LPP: variants seen among roughly 807,000 people sequenced by gnomAD.
The protein encoded by LPP is lipoma-preferred partner.
A neutral mutation model predicts 60.4 loss-of-function variants in LPP; 38 were observed. The observed-to-expected ratio is 0.63, with a 90% CI of 0.49 to 0.83. The LOEUF is 0.83. Ranked by LOEUF, LPP falls within the 40% of genes least tolerant of loss-of-function variation. The pLI is 0.00. For synonymous variants in LPP, 328 were observed against 290.8 expected, an observed-to-expected ratio of 1.13 and a Z score of -1.30; for missense variants, 902 against 783.6, an observed-to-expected ratio of 1.15 and a Z score of -1.80.
intron 2 of LPP, among the ~76,000 whole-genome samples, chr3:188,277,731 T>C (rs1013380527): frequency 1.3e-5 from 2 of 152,252 alleles, no homozygotes; most frequent in Admixed American, 1.3e-4. Flanking sequence ...TGGGATAAGG[T>C]TCTTGGAGCT....
At chr3:188,685,210 G>A (rs56337968) in intron 7 of LPP, among the ~76,000 whole-genome samples, 8,606 of 152,280 alleles carry the variant, frequency 0.057, 319 homozygotes, top group Non-Finnish European at 0.085. Flanking sequence ...CTGAGGGAGT[G>A]AGAGAAGGAG....
At chr3:188,736,797 G>T (rs2150118602) in intron 8 of LPP, among the ~76,000 whole-genome samples, 1 of 151,882 alleles carries the variant, frequency 6.6e-6, no homozygotes, top group African/African-American at 2.4e-5. Flanking sequence ...TTATCCTAAA[G>T]AAATATATAT....
Position 188,609,195 on chromosome 3 carries a change from C to T in LPP, c.464C>T (p.Ser155Leu), listed in dbSNP as rs150267429. ...STGSTASPPV[S>L]TPVTGHKRMV... The stretch of plus-strand genomic sequence containing the variant: ...GGTTCAACAGCCTCTCCTCCAGTTT[C>T]GACCCCAGTCACAGGACACAAGAGA... Residue 155 changes from serine to leucine, a missense_variant, in exon 7 of 12, where the codon TCG becomes TTG. Transcript: ENST00000617246. The surrounding 1 kb of genome is among the most constrained non-coding windows in gnomAD (Gnocchi z 6.9). The T allele has an allele frequency of 3.5e-4, 565 of 1,613,364 alleles. 1 individual carries two copies. Among genetic ancestry groups the T allele is most frequent in the Middle Eastern group, 5.0e-4 (3 of 6,054 alleles).
At chr3:188,462,607 TG>T (rs1799387311) in intron 4 of LPP, among the ~76,000 whole-genome samples, 1 of 127,452 alleles carries the variant, frequency 7.8e-6, no homozygotes, top group Non-Finnish European at 1.8e-5. Context: ...TGTGTGTGTG[TG>T]TGTGTGTGTG....
chr3:188,609,823 T>C lies in LPP; in HGVS notation c.1092T>C (p.Cys364=). The part of the protein sequence containing the change: ...TYITDPVSAP[C]APPLQPKGGH... ...TCACAGATCCTGTTTCAGCCCCCTG[T>C]GCGCCACCATTGCAGCCAAAGGTAA... Residue 364 remains cysteine (C), a synonymous_variant, in exon 7 of 12, where the codon TGT becomes TGC. Coordinates refer to ENST00000617246, the MANE Select transcript of LPP (RefSeq NM_001375462.1). The surrounding 1 kb of genome is among the most constrained non-coding windows in gnomAD (Gnocchi z 6.9). 5 of 1,612,028 alleles carry C rather than the reference T, an allele frequency of 3.1e-6. No individual in the cohort carries two copies. The Middle Eastern group carries it at 5.0e-4, about 160-fold the overall frequency.
intron 4 of LPP, among the ~76,000 whole-genome samples, chr3:188,430,726 C>G (rs1790676241): frequency 6.6e-6 from 1 of 152,020 alleles, no homozygotes; most frequent in Non-Finnish European, 1.5e-5. Flanking sequence ...TTTGTTGCAA[C>G]CTGAGAAGGC....
chr3:188,750,151 T>C (rs1349889073), intron 8 of LPP, among the ~76,000 whole-genome samples: 2 of 152,190 alleles, frequency 1.3e-5, no homozygotes, highest in African/African-American at 2.4e-5. Context: ...ATGAAGCCTC[T>C]TTCACAAAGG....
intron 6 of LPP, among the ~76,000 whole-genome samples, chr3:188,558,829 C>T (rs551365273): frequency 1.1e-4 from 16 of 152,098 alleles, no homozygotes; most frequent in Non-Finnish European, 1.3e-4. Flanking sequence ...GATGTTACAA[C>T]TTATTATTAA....
chr3:188,232,815 G>GT (rs138021002), intron 2 of LPP, among the ~76,000 whole-genome samples: 5,421 of 151,992 alleles, frequency 0.036, 181 homozygotes, highest in African/African-American at 0.083. Flanking sequence ...AGTTCACTTA[G>GT]TTTTTTTTAG....
chr3:188,708,128 C>G, intron 7 of LPP, 139 bp from the exon 8 acceptor site: 1 of 860,058 alleles, frequency 1.2e-6, no homozygotes, highest in Non-Finnish European at 1.8e-6. Context: ...AGTGATAAAA[C>G]TAATTCTAAA....
At chr3:188,633,782 G>A (rs921013436) in intron 7 of LPP, among the ~76,000 whole-genome samples, 1 of 152,124 alleles carries the variant, frequency 6.6e-6, no homozygotes, top group African/African-American at 2.4e-5. Context: ...CATTCTTCAA[G>A]CTGTTATCAC....
intron 7 of LPP, among the ~76,000 whole-genome samples, chr3:188,688,463 A>G (rs1405568887): frequency 6.6e-6 from 1 of 152,192 alleles, no homozygotes; most frequent in Non-Finnish European, 1.5e-5. Flanking sequence ...TGCCCATTCA[A>G]TGAACATTTG....
chr3:188,734,064 T>C (rs981809974), intron 8 of LPP, among the ~76,000 whole-genome samples: 21 of 152,144 alleles, frequency 1.4e-4, no homozygotes, highest in African/African-American at 4.8e-4. Flanking sequence ...ATTTTATATA[T>C]CCTTCTTTAA....
chr3:188,759,862 G>A (rs185705794), intron 8 of LPP, among the ~76,000 whole-genome samples: 1 of 152,254 alleles, frequency 6.6e-6, no homozygotes, highest in Non-Finnish European at 1.5e-5. Context: ...CTTTCTGCAA[G>A]AACTTAGACT....
chr3:188,445,666 A>C (rs1291112191), intron 4 of LPP, among the ~76,000 whole-genome samples: 2 of 152,144 alleles, frequency 1.3e-5, no homozygotes. Flanking sequence ...AAAGACATTG[A>C]TTCATTCATT....
intron 7 of LPP, among the ~76,000 whole-genome samples, chr3:188,637,250 C>A (rs1849011660): frequency 6.6e-6 from 1 of 152,104 alleles, no homozygotes; most frequent in Non-Finnish European, 1.5e-5. Flanking sequence ...GACCAACCTG[C>A]TCCTGAATGA....
chr3:188,269,143 C>T (rs960773259), intron 2 of LPP, among the ~76,000 whole-genome samples: 1 of 152,110 alleles, frequency 6.6e-6, no homozygotes, highest in African/African-American at 2.4e-5. Flanking sequence ...ATAGTAAATA[C>T]GACATACTGT....
chr3:188,592,563 T>TTGTTTTTTTTTTTTTTTTTTTTGG, intron 6 of LPP, among the ~76,000 whole-genome samples: 1 of 77,224 alleles, frequency 1.3e-5, no homozygotes. Flanking sequence ...TTTTGTTTTT[T>TTGTTTTTTTTTTTTTTTTTTTTGG]AAATGGAGTC....
chr3:188,331,204 C>A (rs918325098), intron 2 of LPP, among the ~76,000 whole-genome samples: 5 of 152,142 alleles, frequency 3.3e-5, no homozygotes, highest in African/African-American at 7.2e-5. Context: ...GGGGTCTCCT[C>A]TTTAGAGAGC....
Sources: allele counts gnomAD v4.1 joint callset (sites outside exome capture counted in the v4.1 genomes callset), GRCh38; gene constraint gnomAD v4.1.1; non-coding constraint Gnocchi (gnomAD v3.1); transcripts MANE v1.5; gene names NCBI Gene and HGNC (gene_info 2026-07-23, HGNC 2026-07-21).